The following GPBP1 variants were observed in gnomAD, a reference collection of about 807,000 sequenced individuals.
GPBP1 encodes the protein GC-rich promoter binding protein 1.
In GPBP1, 13 loss-of-function variants were observed where a neutral mutation model predicts 56.5. The observed-to-expected ratio is 0.23, with a 90% CI of 0.15 to 0.37. The LOEUF is 0.37. Among genes scored for constraint, GPBP1 ranks in the 10% least tolerant of loss-of-function variants. GPBP1 has a pLI of 1.00. For synonymous variants in GPBP1, 204 were observed against 188.9 expected, an observed-to-expected ratio of 1.08 and a Z score of -0.66; for missense variants, 477 against 572.3, an observed-to-expected ratio of 0.83 and a Z score of 1.70.
At chr5:57,175,193 C>T (rs2111681723) in intron 1 of GPBP1, among the ~76,000 whole-genome samples, 1 of 152,210 alleles carries the variant, frequency 6.6e-6, no homozygotes, top group Admixed American at 6.5e-5. Flanking sequence ...GGATCTGCAC[C>T]CCTTCCCAGG....
chr5:57,236,546 CTCTGATT>C (rs1756671220), intron 6 of GPBP1, among the ~76,000 whole-genome samples: 2 of 151,916 alleles, frequency 1.3e-5, no homozygotes, highest in African/African-American at 4.8e-5. Context: ...AGTTATTTGT[CTCTGATT>C]TCTGATTTTC....
intron 10 of GPBP1, among the ~76,000 whole-genome samples, chr5:57,259,002 C>T (rs1048476483): frequency 6.6e-6 from 1 of 152,160 alleles, no homozygotes; most frequent in African/African-American, 2.4e-5. Flanking sequence ...ATTTAATAGT[C>T]TCTGTATTAG....
At chr5:57,240,983 A>G (rs959771033) in intron 6 of GPBP1, among the ~76,000 whole-genome samples, 1 of 152,000 alleles carries the variant, frequency 6.6e-6, no homozygotes, top group Non-Finnish European at 1.5e-5. Context: ...GGCATTGTTA[A>G]GGTTAAATTG....
intron 3 of GPBP1, among the ~76,000 whole-genome samples, chr5:57,216,410 G>C (rs1302039005): frequency 6.6e-6 from 1 of 152,074 alleles, no homozygotes; most frequent in African/African-American, 2.4e-5. Context: ...AAGTATAACT[G>C]GGGAAAACGA....
At chr5:57,203,084 G>C (rs562739690) in intron 2 of GPBP1, among the ~76,000 whole-genome samples, 1 of 152,080 alleles carries the variant, frequency 6.6e-6, no homozygotes, top group Non-Finnish European at 1.5e-5. Context: ...AAGTAAGTTC[G>C]TTGTAAGTTT....
intron 6 of GPBP1, among the ~76,000 whole-genome samples, chr5:57,242,323 A>G (rs1176020304): frequency 6.6e-6 from 1 of 152,212 alleles, no homozygotes; most frequent in East Asian, 1.9e-4. Flanking sequence ...AATTATTTGA[A>G]TATGAAACAT....
Position 57,236,097 on chromosome 5 carries a change from G to T in GPBP1, c.478+65G>T, listed in dbSNP as rs1756651262. The T allele has an allele frequency of 2.7e-6, 3 of 1,115,036 alleles. No homozygotes were observed. In the South Asian group the frequency reaches 4.0e-5, roughly 15 times the overall value. The allele number at this position is 1,115,036 out of a possible 1,614,324, so 69.1% of individuals were successfully genotyped here. A position where few individuals can be genotyped will look rare whatever the true frequency, so the allele number is the denominator to read the frequency against. On this transcript the variant is annotated intron_variant, in intron 6 of 11. Transcript: ENST00000506184. Reference sequence around the variant, plus strand: ...TTGATATTTATAGGTTTCACTTTTTGTGTTTTTTAAAATAGAGAGCAGGCT... The same window carrying T: ...TTGATATTTATAGGTTTCACTTTTTTTGTTTTTTAAAATAGAGAGCAGGCT...
chr5:57,210,395 C>T (rs1755424393), intron 2 of GPBP1, among the ~76,000 whole-genome samples: 1 of 152,038 alleles, frequency 6.6e-6, no homozygotes, highest in Admixed American at 6.6e-5. Context: ...CACATGGGAC[C>T]TTCAGATATG....
At chr5:57,197,811 G>GT (rs199815768) in intron 2 of GPBP1, among the ~76,000 whole-genome samples, 117 of 150,482 alleles carry the variant, frequency 7.8e-4, no homozygotes, top group South Asian at 3.4e-3. Context: ...TTTATTCATA[G>GT]TTTTTTTTTA....
At chr5:57,203,289 T>G (rs1440901368) in intron 2 of GPBP1, among the ~76,000 whole-genome samples, 1 of 151,980 alleles carries the variant, frequency 6.6e-6, no homozygotes, top group East Asian at 1.9e-4. Flanking sequence ...ATTTAACAAA[T>G]AGAGTAATTT....
intron 5 of GPBP1, among the ~76,000 whole-genome samples, chr5:57,235,685 C>A (rs1401941507): frequency 6.6e-6 from 1 of 152,084 alleles, no homozygotes; most frequent in South Asian, 2.1e-4. Flanking sequence ...ATGCTTGGGA[C>A]CAGAAGTGTT....
chr5:57,231,942 A>AAG (rs149280346), intron 5 of GPBP1, among the ~76,000 whole-genome samples: 1 of 152,110 alleles, frequency 6.6e-6, no homozygotes, highest in East Asian at 1.9e-4. Context: ...GACTGAAAGG[A>AAG]AGAGAGAGAG....
At chr5:57,190,675 G>C (rs368718911) in intron 2 of GPBP1, among the ~76,000 whole-genome samples, 23 of 145,668 alleles carry the variant, frequency 1.6e-4, no homozygotes, top group African/African-American at 5.8e-4. Context: ...TTCAAGACTG[G>C]CTTTGGATTT....
intron 2 of GPBP1, among the ~76,000 whole-genome samples, chr5:57,189,109 C>T (rs1754412602): frequency 6.6e-6 from 1 of 151,922 alleles, no homozygotes. Context: ...TACAGGCATG[C>T]ACCACCATAC....
intron 3 of GPBP1, among the ~76,000 whole-genome samples, chr5:57,226,592 C>T (rs1389177361): frequency 8.9e-6 from 1 of 111,856 alleles, no homozygotes; most frequent in Non-Finnish European, 1.6e-5. Flanking sequence ...TTGAGTCTTG[C>T]TCTGTCACTC....
chr5:57,230,698 AC>A (rs768904134), intron 3 of GPBP1, 147 bp from the exon 4 acceptor site: 3 of 705,664 alleles, frequency 4.3e-6, no homozygotes, highest in African/African-American at 1.8e-5. Context: ...TTATACAGTT[AC>A]CCAGTTATCA....
chr5:57,244,291 A>G (rs1003139592), intron 6 of GPBP1, among the ~76,000 whole-genome samples: 2 of 152,180 alleles, frequency 1.3e-5, no homozygotes, highest in South Asian at 2.1e-4. Context: ...GTGTGTTGAA[A>G]TCATTTTCTT....
Position 57,227,645 on chromosome 5 carries a change from A to AGC in GPBP1, c.64-3200_64-3199dup, listed in dbSNP as rs572878897. Among the ~76,000 whole-genome samples, 91 of 152,332 alleles carry AGC rather than the reference A, an allele frequency of 6.0e-4. 1 individual carries two copies. The highest frequency in any genetic ancestry group is 3.4e-4 in the Non-Finnish European group (23 of 68,034). On this transcript the variant is annotated intron_variant, in intron 3 of 11. Transcript: ENST00000506184. Reference sequence around the variant, plus strand: ...GATTTGCCAAACTCAGTGCAAGGGCAGCATCCACCTGGGCCCCTCCCTGTC... The same window carrying AGC: ...GATTTGCCAAACTCAGTGCAAGGGCAGCGCATCCACCTGGGCCCCTCCCTGTC...
intron 2 of GPBP1, among the ~76,000 whole-genome samples, chr5:57,179,799 C>T (rs1042035698): frequency 2.0e-5 from 3 of 152,030 alleles, no homozygotes; most frequent in East Asian, 1.9e-4. Context: ...GATTTCACCA[C>T]GTTGGTCAGG....
Sources: gnomAD v4.1 joint callset for allele counts (sites outside exome capture counted in the v4.1 genomes callset) on GRCh38, gnomAD v4.1.1 for gene constraint, MANE v1.5 for transcripts, NCBI Gene and HGNC (gene_info 2026-07-23, HGNC 2026-07-21) for gene names.